Variants in SBF1 observed in about 807,000 individuals in gnomAD.
SBF1 encodes myotubularin-related protein 5.
SBF1 carries 65 observed loss-of-function variants against 215.8 expected under a neutral mutation model. The observed-to-expected ratio is 0.30, with a 90% confidence interval of 0.25 to 0.37. SBF1 has a LOEUF of 0.37. Ranked by LOEUF, SBF1 falls within the 10% of genes least tolerant of loss-of-function variation. The probability of loss-of-function intolerance (pLI) is 1.00; values close to 1 mark genes in which losing one functional copy is unlikely to be tolerated. For missense variants in SBF1, 2,634 were observed against 2,667.8 expected (o/e 0.99, Z 0.28); for synonymous variants, 1,410 against 1,122.8 (o/e 1.26, Z -5.11).
chr22:50,466,120 C>G, intron 8 of SBF1, 30 bp downstream of exon 8: 1 of 1,612,944 alleles, frequency 6.2e-7, no homozygotes, highest in Non-Finnish European at 8.5e-7. Flanking sequence ...AGGCCTGGGC[C>G]GTGAGGTGGA....
At position 50,446,659 on chromosome 22, in the gene SBF1, G is replaced by A. The variant is rs765609195; in HGVS notation, c.*483C>T. 1 of 367,640 alleles carries A rather than the reference G, an allele frequency of 2.7e-6. No individual in the cohort carries two copies. Among genetic ancestry groups the A allele is most frequent in the Non-Finnish European group, 5.4e-6 (1 of 185,726 alleles). 22.8% of individuals were successfully genotyped at this position (367,640 alleles called of 1,614,324 possible). Reference sequence around the variant, plus strand: ...CAAAGTCACTCCCAGGGACATGCAGGCCGAGCTGGGTGGACCCAGGCACCA... The same window carrying A: ...CAAAGTCACTCCCAGGGACATGCAGACCGAGCTGGGTGGACCCAGGCACCA... On this transcript the variant is annotated 3_prime_UTR_variant, in exon 41 of 41. Coordinates refer to ENST00000380817, the MANE Select transcript of SBF1 (RefSeq NM_002972.4).
chr22:50,463,541 G>T (rs2067612691), intron 15 of SBF1, 109 bp from the exon 16 acceptor site: 3 of 1,238,834 alleles, frequency 2.4e-6, no homozygotes, highest in East Asian at 2.6e-5. Flanking sequence ...TTTCAGGTGG[G>T]GTGTGCCAGA....
chr22:50,458,409 G>A, intron 28 of SBF1, among the ~76,000 whole-genome samples: 1 of 152,102 alleles, frequency 6.6e-6, no homozygotes, highest in Non-Finnish European at 1.5e-5. Flanking sequence ...GGGACACGGG[G>A]AGGCAGCAGC....
rs1390282053 is a variant in SBF1 at position 50,474,914 on chromosome 22, T to C, written c.-74A>G. On this transcript the variant is annotated 5_prime_UTR_variant, in exon 1 of 41. The change abolishes an upstream ATG in the 5' untranslated region. Transcript: ENST00000380817. ...CGGGGACTCGAGGACGGCGCGCTCA[T>C]GGCCCGGCCCCGGCCCTGGACCGCG... 1.5e-5 allele frequency: 16 copies of C among 1,074,170 alleles called. No homozygotes were observed. Among genetic ancestry groups the C allele is most frequent in the Non-Finnish European group, 1.9e-5 (16 of 828,062 alleles). The allele number at this position is 1,074,170 out of a possible 1,614,324, so 66.5% of individuals were successfully genotyped here.
rs1441701930 is a variant in SBF1 at position 50,461,261 on chromosome 22, G to C, written c.2865C>G (p.Ser955=). Residue 955 remains serine (S), a synonymous_variant, in exon 23 of 41, where the codon TCC becomes TCG. Transcript: ENST00000380817. The stretch of plus-strand genomic sequence containing the variant: ...CCTTGGTCAGCGCAGCCACCGGGAA[G>C]GAGCGGACCACCACCTGCTCCCCAA... ...PLVGEQVVVR[S]FPVAALTKEK... The C allele has an allele frequency of 3.7e-6, 6 of 1,612,412 alleles. No homozygotes were observed. The South Asian group carries it at 6.6e-5, about 18-fold the overall frequency.
chr22:50,461,332 G>C lies in SBF1; in HGVS notation c.2840-46C>G, dbSNP rs781748565. On this transcript the variant is annotated intron_variant, in intron 22 of 40. Coordinates refer to ENST00000380817, the MANE Select transcript of SBF1 (RefSeq NM_002972.4). ...GTCAGAAGCAAGGAAGGTAAGGGGG[G>C]GGGGGTCCCAGAATCTCAGGGTACC... 7.3e-5 allele frequency: 114 copies of C among 1,565,694 alleles called. No individual in the cohort carries two copies. The South Asian group carries it at 1.1e-3, about 16-fold the overall frequency.
Position 50,448,537 on chromosome 22 carries a change from A to G in SBF1, c.5151+6T>C. On this transcript the variant is annotated splice_donor_region_variant and intron_variant, in intron 37 of 40. Coordinates refer to ENST00000380817, the MANE Select transcript of SBF1 (RefSeq NM_002972.4). ...ACCGTGGACGCTCACACTGGCCCTC[A>G]CTCACACGGCCGTCTGGCCGGCCCT... 6.2e-7 allele frequency: 1 copy of G among 1,611,568 alleles called. No individual in the cohort carries two copies. The highest frequency in any genetic ancestry group is 1.7e-4 in the Middle Eastern group (1 of 6,058).
rs368432608 is a variant in SBF1, at chr22:50,455,154, G to A, written c.4555-12C>T. The A allele has an allele frequency of 4.3e-6, 7 of 1,613,948 alleles. No individual in the cohort carries two copies. In the African/African-American group the frequency reaches 9.3e-5, roughly 22 times the overall value. ...AACTGCAGGTGGACCTGCACGCCAT[G>A]TGGGTCAGGGGCCAGGGCTCAGCGG... On this transcript the variant is annotated splice_polypyrimidine_tract_variant and intron_variant, in intron 33 of 40. Transcript: ENST00000380817.
intron 5 of SBF1, 154 bp downstream of exon 5, chr22:50,467,184 C>A (rs917558300): frequency 1.5e-6 from 1 of 648,980 alleles, no homozygotes; most frequent in Non-Finnish European, 2.7e-6. Context: ...GGTAAGCAGG[C>A]CAGGACTGTT....
chr22:50,460,150 T>G lies in SBF1; in HGVS notation c.3293A>C (p.Glu1098Ala), dbSNP rs1235091749. Residue 1098 changes from glutamate to alanine, a missense_variant, in exon 26 of 41, where the codon GAG becomes GCG. Transcript: ENST00000380817. ...CGGGGTCAGCGTGCTGGGCTCCAGC[T>G]CCTCCGACACTGCACAGGCCGGGCA... ...DQEDEISVSEELEPSTLTPSS... is the reference protein window; with the variant it reads ...DQEDEISVSEALEPSTLTPSS... The G allele has an allele frequency of 1.9e-6, 3 of 1,611,284 alleles. No individual in the cohort carries two copies. The African/African-American group carries it at 4.0e-5, about 22-fold the overall frequency.
At position 50,454,517 on chromosome 22, in the gene SBF1, G is replaced by C; in HGVS notation, c.5038C>G (p.Leu1680Val). The C allele has an allele frequency of 6.2e-7, 1 of 1,608,564 alleles. No individual in the cohort carries two copies. Among genetic ancestry groups the C allele is most frequent in the South Asian group, 1.1e-5 (1 of 91,050 alleles). ...TGCTCTGGGATCACACGCACCTCCA[G>C]CAGGCGTGAGATGGCGTCAGGCTGG... ...RAQPDAISRL[L>V]EELQRLETEL... is the part of the protein sequence containing the mutation. Residue 1680 changes from leucine to valine, a missense_variant, in exon 36 of 41, where the codon CTG (leucine) becomes GTG (valine). Transcript: ENST00000380817.
At chr22:50,449,120 C>T (rs1603430389) in intron 36 of SBF1, among the ~76,000 whole-genome samples, 2 of 151,620 alleles carry the variant, frequency 1.3e-5, no homozygotes, top group East Asian at 1.9e-4. Context: ...TGCGGTGAGC[C>T]GAGAACGCGC....
chr22:50,466,040 G>A lies in SBF1; in HGVS notation c.932C>T (p.Thr311Met), dbSNP rs760172330. Residue 311 changes from threonine (T) to methionine (M), a missense_variant, in exon 9 of 41, where the codon ACG becomes ATG. Transcript: ENST00000380817. The part of the protein sequence containing the change: ...DVIVADLDGG[T>M]VTIPECVHIP... ...GTGCACACACTCAGGAATGGTGACC[G>A]TCCCTCCATCCAGATCAGCAACAAT... The A allele has an allele frequency of 7.4e-6, 12 of 1,613,756 alleles. No homozygotes were observed. The East Asian group carries it at 1.3e-4, about 18-fold the overall frequency.
chr22:50,455,035 G>A lies in SBF1; in HGVS notation c.4662C>T (p.Asp1554=). The change falls in exon 34 of 41, where the codon GAC becomes GAT. Residue 1554 remains aspartate, a synonymous_variant. Coordinates refer to ENST00000380817, the MANE Select transcript of SBF1 (RefSeq NM_002972.4). The stretch of plus-strand genomic sequence containing the variant: ...ACATACCCAGCTCAATGCGCTCATA[G>A]TCAGAGTCGAGCAGGAAGGTCCGGA... The part of the protein sequence containing the change: ...RRFRTFLLDS[D]YERIELGLLY... 1 of 1,614,090 alleles carries A rather than the reference G, an allele frequency of 6.2e-7. No individual in the cohort carries two copies. Among genetic ancestry groups the A allele is most frequent in the Non-Finnish European group, 8.5e-7 (1 of 1,180,024 alleles).
intron 15 of SBF1, among the ~76,000 whole-genome samples, chr22:50,463,797 T>C (rs1008312896): frequency 6.6e-6 from 1 of 152,174 alleles, no homozygotes; most frequent in Non-Finnish European, 1.5e-5. Flanking sequence ...TTGCGTTCTA[T>C]TGCTACAACG....
intron 23 of SBF1, 140 bp downstream of exon 23, chr22:50,461,019 G>C: frequency 3.4e-6 from 4 of 1,170,204 alleles, no homozygotes; most frequent in East Asian, 2.5e-5. Context: ...AAGAGCCACA[G>C]TGAGGGCCCC....
At chr22:50,457,556 G>A (rs1488662138) in intron 28 of SBF1, among the ~76,000 whole-genome samples, 1 of 152,260 alleles carries the variant, frequency 6.6e-6, no homozygotes, top group Non-Finnish European at 1.5e-5. Flanking sequence ...CCCAAGAGGT[G>A]TGGCCTGGAG....
At chr22:50,468,183 G>A (rs1366659617) in intron 2 of SBF1, among the ~76,000 whole-genome samples, 193 bp downstream of exon 2, 2 of 152,206 alleles carry the variant, frequency 1.3e-5, no homozygotes, top group Non-Finnish European at 2.9e-5. Context: ...GTGACAACAT[G>A]ACACAGTGAC....
intron 23 of SBF1, 84 bp downstream of exon 23, chr22:50,461,075 A>G: frequency 5.3e-6 from 8 of 1,497,420 alleles, no homozygotes; most frequent in Non-Finnish European, 7.1e-6. Flanking sequence ...GACTGGCCTA[A>G]AAATGGTTCA....
Sources: gnomAD v4.1 joint callset for allele counts (sites outside exome capture counted in the v4.1 genomes callset) on GRCh38, gnomAD v4.1.1 for gene constraint, MANE v1.5 for transcripts, NCBI Gene and HGNC (gene_info 2026-07-23, HGNC 2026-07-21) for gene names.